The following SORCS2 variants were observed in gnomAD, a reference collection of about 807,000 sequenced individuals.
SORCS2 encodes the protein VPS10 domain-containing receptor SorCS2.
A neutral mutation model predicts 141.6 loss-of-function variants in SORCS2; 100 were observed. The observed-to-expected ratio is 0.71, with a 90% confidence interval of 0.60 to 0.83. SORCS2 has a LOEUF of 0.83. SORCS2 is among the 40% of genes least tolerant of loss of function. The pLI, the probability that SORCS2 is intolerant of heterozygous loss-of-function variation, is 0.00. For missense variants in SORCS2, 1,646 were observed against 1,560.2 expected (o/e 1.05, Z -0.93); for synonymous variants, 789 against 676.9 (o/e 1.17, Z -2.57).
At chr4:7,730,101 A>T (rs1076225) in intron 23 of SORCS2, among the ~76,000 whole-genome samples, 56,298 of 152,034 alleles carry the variant, frequency 0.37, 11,092 homozygotes, top group Admixed American at 0.49. Flanking sequence ...AGCAGAAGTC[A>T]GCCCCCATGC....
intron 1 of SORCS2, among the ~76,000 whole-genome samples, chr4:7,366,046 G>A (rs575950998): frequency 3.3e-5 from 5 of 152,262 alleles, no homozygotes; most frequent in South Asian, 4.1e-4. Context: ...AGTGACATCC[G>A]TCAGCGCAGG....
intron 1 of SORCS2, among the ~76,000 whole-genome samples, chr4:7,327,423 C>A (rs916246936): frequency 2.0e-5 from 3 of 152,222 alleles, no homozygotes; most frequent in Admixed American, 2.0e-4. Context: ...TGTCTAAAGA[C>A]ACAGGGACGG....
intron 3 of SORCS2, among the ~76,000 whole-genome samples, chr4:7,550,054 A>G (rs984891365): frequency 6.6e-6 from 1 of 151,164 alleles, no homozygotes; most frequent in Non-Finnish European, 1.5e-5. Context: ...GCTGGTGGCA[A>G]CTGGAAATAG....
intron 8 of SORCS2, 54 bp downstream of exon 8, chr4:7,667,267 GACT>G: frequency 6.6e-7 from 1 of 1,522,436 alleles, no homozygotes; most frequent in Non-Finnish European, 9.1e-7. Flanking sequence ...AGCTTATCCT[GACT>G]CATGGGGCAA....
At chr4:7,237,983 C>A (rs559888275) in intron 1 of SORCS2, among the ~76,000 whole-genome samples, 1 of 152,126 alleles carries the variant, frequency 6.6e-6, no homozygotes, top group South Asian at 2.1e-4. Flanking sequence ...CTTGGGATAC[C>A]AGTGGACTGT....
At chr4:7,239,854 G>T (rs908630970) in intron 1 of SORCS2, among the ~76,000 whole-genome samples, 13 of 152,230 alleles carry the variant, frequency 8.5e-5, no homozygotes, top group African/African-American at 2.9e-4. Context: ...GTCAATGAGG[G>T]TGAACAGCCC....
intron 1 of SORCS2, among the ~76,000 whole-genome samples, chr4:7,220,789 A>G (rs2108760171): frequency 6.6e-6 from 1 of 152,264 alleles, no homozygotes; most frequent in East Asian, 1.9e-4. Flanking sequence ...CCCAAGGCCA[A>G]GCTTGGTCAC....
At chr4:7,455,871 T>C (rs567038601) in intron 2 of SORCS2, among the ~76,000 whole-genome samples, 1 of 152,310 alleles carries the variant, frequency 6.6e-6, no homozygotes, top group African/African-American at 2.4e-5. Context: ...CGTCACATGC[T>C]GTGCTGGTAT....
intron 1 of SORCS2, among the ~76,000 whole-genome samples, chr4:7,283,718 T>A (rs10937798): frequency 0.33 from 50,006 of 151,722 alleles, 9,193 homozygotes; most frequent in Admixed American, 0.44. Flanking sequence ...AAGGCCAGGG[T>A]TTCCACCAAA....
At chr4:7,454,526 G>A (rs527752353) in intron 2 of SORCS2, among the ~76,000 whole-genome samples, 23 of 133,594 alleles carry the variant, frequency 1.7e-4, no homozygotes, top group African/African-American at 5.5e-4. Flanking sequence ...TGCTGTGTTG[G>A]GGTCAGCTGC....
chr4:7,448,040 G>A (rs1222907573), intron 2 of SORCS2, among the ~76,000 whole-genome samples: 3 of 152,258 alleles, frequency 2.0e-5, no homozygotes, highest in East Asian at 1.9e-4. Context: ...TGGGGTCAGC[G>A]GAGGCTCGCT....
chr4:7,636,712 C>G (rs1720280598), intron 3 of SORCS2, among the ~76,000 whole-genome samples: 1 of 152,084 alleles, frequency 6.6e-6, no homozygotes. Context: ...CAGGCCACCC[C>G]CTCCCTTCCT....
intron 2 of SORCS2, among the ~76,000 whole-genome samples, chr4:7,510,385 G>T (rs931907086): frequency 6.6e-6 from 1 of 152,204 alleles, no homozygotes; most frequent in Admixed American, 6.5e-5. Context: ...CCAGGAGGGC[G>T]CCCTGTCCTG....
chr4:7,592,615 A>G (rs925544328), intron 3 of SORCS2, among the ~76,000 whole-genome samples: 6 of 152,234 alleles, frequency 3.9e-5, no homozygotes, highest in Non-Finnish European at 8.8e-5. Context: ...CCCCGTCTCA[A>G]CAACTGAGAT....
chr4:7,602,405 G>GAA (rs1560418530), intron 3 of SORCS2, among the ~76,000 whole-genome samples: 5 of 151,526 alleles, frequency 3.3e-5, no homozygotes, highest in Admixed American at 3.3e-4. Context: ...CAGACGGGGC[G>GAA]GCCGGGCAGA....
intron 3 of SORCS2, among the ~76,000 whole-genome samples, chr4:7,596,908 G>T (rs921746095): frequency 1.3e-5 from 2 of 152,200 alleles, no homozygotes; most frequent in African/African-American, 4.8e-5. Context: ...GGTCTCACAG[G>T]AAATCCTGGG....
At chr4:7,461,375 G>A (rs907885974) in intron 2 of SORCS2, among the ~76,000 whole-genome samples, 1 of 152,034 alleles carries the variant, frequency 6.6e-6, no homozygotes, top group East Asian at 1.9e-4. Flanking sequence ...GGGGATGGCC[G>A]AGCTTCCAGC....
At chr4:7,662,436 C>T (rs557643987) in intron 6 of SORCS2, among the ~76,000 whole-genome samples, 1 of 152,138 alleles carries the variant, frequency 6.6e-6, no homozygotes, top group African/African-American at 2.4e-5. Context: ...CCCTGCCAGC[C>T]ACCTCTGCTG....
chr4:7,715,449 G>T, intron 17 of SORCS2, 138 bp downstream of exon 17: 1 of 1,295,068 alleles, frequency 7.7e-7, no homozygotes, highest in Non-Finnish European at 1.0e-6. Context: ...TCAAAGTTGA[G>T]GATGCCCCAC....
Sources: gnomAD v4.1 joint callset for allele counts (sites outside exome capture counted in the v4.1 genomes callset) on GRCh38, gnomAD v4.1.1 for gene constraint, MANE v1.5 for transcripts, NCBI Gene and HGNC (gene_info 2026-07-23, HGNC 2026-07-21) for gene names.